The following RGS6 variants were observed in gnomAD, a reference collection of about 807,000 sequenced individuals.
RGS6 encodes the protein regulator of G protein signaling 6, also known as regulator of G-protein signaling 6.
A neutral mutation model predicts 78.5 loss-of-function variants in RGS6; 30 were observed. That is an observed-to-expected ratio of 0.38 (90% CI 0.29 to 0.52). RGS6 has a LOEUF of 0.52. Ranked by LOEUF, RGS6 falls within the 20% of genes least tolerant of loss-of-function variation. The pLI is 0.85. For synonymous variants in RGS6, 206 were observed against 206.0 expected (o/e 1.00, Z 0.00); for missense variants, 495 against 609.7 (o/e 0.81, Z 1.98).
chr14:72,020,771 A>G (rs1295323872), intron 2 of RGS6, among the ~76,000 whole-genome samples: 1 of 152,228 alleles, frequency 6.6e-6, no homozygotes. Flanking sequence ...GATGTGAAAT[A>G]AACCACACAA....
At chr14:71,886,489 T>A in the RGS6 span, among the ~76,000 whole-genome samples, 1 of 151,802 alleles carries the variant, frequency 6.6e-6, no homozygotes, top group African/African-American at 2.4e-5. Flanking sequence ...AGTGTTTGAG[T>A]TTTTTCGTTT....
intron 2 of RGS6, among the ~76,000 whole-genome samples, chr14:72,203,566 G>A (rs1442000621): frequency 2.0e-5 from 3 of 152,134 alleles, no homozygotes; most frequent in Non-Finnish European, 4.4e-5. Context: ...ATCCGTCATG[G>A]CTGTTGGCTG....
chr14:72,616,059 C>T, the RGS6 span, among the ~76,000 whole-genome samples: 194 of 152,274 alleles, frequency 1.3e-3, no homozygotes, highest in African/African-American at 4.4e-3. Flanking sequence ...CAATAGCTAC[C>T]ATGGAGTGGG....
At chr14:72,027,093 GA>G (rs1476816738) in intron 2 of RGS6, among the ~76,000 whole-genome samples, 1 of 152,128 alleles carries the variant, frequency 6.6e-6, no homozygotes, top group Non-Finnish European at 1.5e-5. Flanking sequence ...GGCTGGAGAG[GA>G]AATGGGTGGA....
chr14:72,066,667 C>G (rs1030934091), intron 2 of RGS6, among the ~76,000 whole-genome samples: 7 of 151,396 alleles, frequency 4.6e-5, no homozygotes, highest in African/African-American at 1.5e-4. Flanking sequence ...AAATAAGACC[C>G]CAAGGGAGTA....
intron 2 of RGS6, among the ~76,000 whole-genome samples, chr14:71,976,318 A>G (rs1251807014): frequency 6.7e-6 from 1 of 149,954 alleles, no homozygotes; most frequent in Admixed American, 6.7e-5. Flanking sequence ...TGTGCAGGTT[A>G]GTTACATATG....
intron 2 of RGS6, among the ~76,000 whole-genome samples, chr14:72,292,881 A>G (rs958879687): frequency 2.6e-5 from 4 of 152,204 alleles, no homozygotes; most frequent in African/African-American, 9.6e-5. Flanking sequence ...GGACCTTGAC[A>G]TGGGCTGATG....
At chr14:72,533,057 TAGAGA>T (rs1189333928) in intron 15 of RGS6, among the ~76,000 whole-genome samples, 1 of 152,230 alleles carries the variant, frequency 6.6e-6, no homozygotes, top group Non-Finnish European at 1.5e-5. Flanking sequence ...TTTTCATAGC[TAGAGA>T]AGAGAAGTCC....
At chr14:72,550,625 G>A in intron 17 of RGS6, 1 of 1,527,638 alleles carries the variant, frequency 6.5e-7, no homozygotes, top group Non-Finnish European at 8.8e-7. Flanking sequence ...GTTAATACTA[G>A]AAGGTTCTGA....
At chr14:72,432,575 T>G (rs1223877366) in intron 3 of RGS6, among the ~76,000 whole-genome samples, 1 of 152,188 alleles carries the variant, frequency 6.6e-6, no homozygotes, top group African/African-American at 2.4e-5. Flanking sequence ...CAGAAAGCAA[T>G]GTATCTTTCT....
intron 2 of RGS6, among the ~76,000 whole-genome samples, chr14:71,987,979 T>C (rs1294063465): frequency 2.0e-5 from 3 of 152,106 alleles, no homozygotes; most frequent in Non-Finnish European, 4.4e-5. Flanking sequence ...TTGAGAGACA[T>C]GTGCCAATCT....
At chr14:72,489,740 TGAGAC>T (rs570436919) in intron 12 of RGS6, among the ~76,000 whole-genome samples, 2 of 114,506 alleles carry the variant, frequency 1.7e-5, no homozygotes, top group South Asian at 3.1e-4. Context: ...CAAGGCGAGG[TGAGAC>T]GAGGCGAGGC....
intron 3 of RGS6, among the ~76,000 whole-genome samples, chr14:72,385,179 C>G (rs1248959917): frequency 6.6e-6 from 1 of 152,170 alleles, no homozygotes; most frequent in Non-Finnish European, 1.5e-5. Flanking sequence ...TTATTTGAAT[C>G]TCAAAGATTT....
At chr14:72,392,917 C>T (rs2090363975) in intron 3 of RGS6, among the ~76,000 whole-genome samples, 1 of 152,196 alleles carries the variant, frequency 6.6e-6, no homozygotes, top group African/African-American at 2.4e-5. Context: ...TGAGAAGCAG[C>T]AGCTAATAAC....
At chr14:72,568,686 C>T (rs189050550), downstream of RGS6, among the ~76,000 whole-genome samples, 9 of 152,330 alleles carry the variant, frequency 5.9e-5, no homozygotes, top group East Asian at 3.9e-4. Context: ...TGCAGATTCC[C>T]GCTGCCCATC....
chr14:72,513,977 G>T (rs2096910090), intron 14 of RGS6: 1 of 152,252 alleles, frequency 6.6e-6, no homozygotes, highest in South Asian at 2.1e-4. Flanking sequence ...GTCTCTGGCA[G>T]TTGCCCTGAG....
chr14:72,014,157 T>C (rs558335457), intron 2 of RGS6, among the ~76,000 whole-genome samples: 1 of 152,330 alleles, frequency 6.6e-6, no homozygotes, highest in East Asian at 1.9e-4. Flanking sequence ...TTTATAATGC[T>C]GGCCCCAACG....
At chr14:72,114,918 T>C (rs950167727) in intron 2 of RGS6, among the ~76,000 whole-genome samples, 1 of 152,166 alleles carries the variant, frequency 6.6e-6, no homozygotes, top group Non-Finnish European at 1.5e-5. Flanking sequence ...CAAGTAATTA[T>C]GATAAAGAAA....
At chr14:72,352,370 C>T (rs2079269142) in intron 3 of RGS6, among the ~76,000 whole-genome samples, 176 bp downstream of exon 3, 1 of 152,180 alleles carries the variant, frequency 6.6e-6, no homozygotes, top group Admixed American at 6.5e-5. Flanking sequence ...CTACTTGTTG[C>T]CCATCATTAA....
Sources: allele counts gnomAD v4.1 joint callset (sites outside exome capture counted in the v4.1 genomes callset), GRCh38; gene constraint gnomAD v4.1.1; transcripts MANE v1.5; gene names NCBI Gene and HGNC (gene_info 2026-07-23, HGNC 2026-07-21).